RABGAP1: variants seen among roughly 807,000 people sequenced by gnomAD.
RABGAP1 encodes the protein rab GTPase-activating protein 1.
A neutral mutation model predicts 137.6 loss-of-function variants in RABGAP1; 23 were observed. The ratio of observed to expected loss-of-function variants is 0.17; its 90% CI spans 0.12 to 0.24. RABGAP1 has a LOEUF of 0.24. RABGAP1 is among the 10% of genes least tolerant of loss of function. The probability of loss-of-function intolerance (pLI) is 1.00; values close to 1 mark genes in which losing one functional copy is unlikely to be tolerated. For missense variants in RABGAP1, 906 were observed against 1,275.8 expected, an observed-to-expected ratio of 0.71 and a Z score of 4.42; for synonymous variants, 451 against 450.7, an observed-to-expected ratio of 1.00 and a Z score of -0.01.
At chr9:122,935,075 T>C in the RABGAP1 span, among the ~76,000 whole-genome samples, 1 of 152,264 alleles carries the variant, frequency 6.6e-6, no homozygotes, top group East Asian at 1.9e-4. Context: ...TTTCTGCCAT[T>C]ACTGCTTTTT....
chr9:123,098,726 G>A lies in RABGAP1; in HGVS notation c.2745G>A (p.Met915Ile). 6.2e-7 allele frequency: 1 copy of A among 1,613,284 alleles called. No individual in the cohort carries two copies. Among genetic ancestry groups the A allele is most frequent in the Non-Finnish European group, 8.5e-7 (1 of 1,179,694 alleles). ...TTTTATGTGTGCAGTTAAAAGAAAT[G>A]TGCCGTCGGGAACTCGACAAGGCAG... is the stretch of plus-strand genomic sequence containing the variant. Reference protein sequence around the residue: ...LEEESAQLKEMCRRELDKAES... With the variant: ...LEEESAQLKEICRRELDKAES... The change falls in exon 23 of 26, where the codon ATG (methionine) becomes ATA (isoleucine). Residue 915 changes from methionine to isoleucine, a missense_variant. Around this residue, in one of 9 missense-constraint regions of RABGAP1, gnomAD observed 193 missense variants for 248.1 expected, o/e 0.78. Coordinates refer to ENST00000373647, the MANE Select transcript of RABGAP1 (RefSeq NM_012197.4).
At chr9:123,059,874 T>C (rs1485708523) in intron 13 of RABGAP1, among the ~76,000 whole-genome samples, 1 of 152,214 alleles carries the variant, frequency 6.6e-6, no homozygotes, top group Non-Finnish European at 1.5e-5. Context: ...TAATATTTTG[T>C]TAGAGTAGCC....
At chr9:123,045,523 G>A (rs1054039004) in intron 13 of RABGAP1, among the ~76,000 whole-genome samples, 5 of 152,130 alleles carry the variant, frequency 3.3e-5, no homozygotes, top group Non-Finnish European at 7.4e-5. Flanking sequence ...GTAGCCTATA[G>A]AACACTGGAA....
At chr9:123,036,956 G>A (rs577633173) in intron 13 of RABGAP1, among the ~76,000 whole-genome samples, 1 of 152,124 alleles carries the variant, frequency 6.6e-6, no homozygotes, top group Non-Finnish European at 1.5e-5. Context: ...AGAGCAAGAG[G>A]TTTATTTTTC....
chr9:123,035,657 TGTGTGTG>T, intron 13 of RABGAP1: 1 of 828,240 alleles, frequency 1.2e-6, no homozygotes, highest in Non-Finnish European at 1.9e-6. Flanking sequence ...TGTGTGTGTG[TGTGTGTG>T]TGTGTGTGTG....
intron 1 of RABGAP1, among the ~76,000 whole-genome samples, chr9:122,950,777 G>A (rs1372511367): frequency 2.0e-5 from 3 of 152,188 alleles, no homozygotes; most frequent in African/African-American, 7.2e-5. Flanking sequence ...AGAAAAGACA[G>A]TGCTAGTGTT....
In RABGAP1 at chr9:123,008,737, G is replaced by A. The variant is rs1222310158; in HGVS notation, c.1375-1617G>A. Among the ~76,000 whole-genome samples the A allele has an allele frequency of 2.0e-5, 3 of 152,186 alleles. No homozygotes were observed. The East Asian group carries it at 5.8e-4, about 29-fold the overall frequency. Reference sequence around the variant, plus strand: ...CATGTATCAAATATTCTAATTCAGTGTATTAATTAATGAGAGAACCAGAAA... The same window carrying A: ...CATGTATCAAATATTCTAATTCAGTATATTAATTAATGAGAGAACCAGAAA... On this transcript the variant is annotated intron_variant, in intron 10 of 25. Coordinates refer to ENST00000373647, the MANE Select transcript of RABGAP1 (RefSeq NM_012197.4).
intron 19 of RABGAP1, among the ~76,000 whole-genome samples, chr9:123,077,306 C>T (rs2034546455): frequency 6.6e-6 from 1 of 151,944 alleles, no homozygotes; most frequent in South Asian, 2.1e-4. Flanking sequence ...TGTGCCACTA[C>T]ACCCAGCTAA....
chr9:122,937,475 TA>T (rs1833403728), upstream of RABGAP1: 1 of 152,112 alleles, frequency 6.6e-6, no homozygotes, highest in South Asian at 2.1e-4. Flanking sequence ...CGTACGCCTG[TA>T]ATCTCAGCTT....
At chr9:123,047,828 A>G (rs190644988) in intron 13 of RABGAP1, among the ~76,000 whole-genome samples, 1 of 151,502 alleles carries the variant, frequency 6.6e-6, no homozygotes, top group East Asian at 1.9e-4. Context: ...TGGAGCTGTT[A>G]CATGACTGGT....
chr9:122,989,242 T>C (rs1836537226), intron 4 of RABGAP1, 55 bp from the exon 5 acceptor site: 1 of 1,433,666 alleles, frequency 7.0e-7, no homozygotes, highest in Non-Finnish European at 9.8e-7. Flanking sequence ...AATCTAAACG[T>C]AGTGCAGATT....
the RABGAP1 span, among the ~76,000 whole-genome samples, chr9:122,934,528 G>T: frequency 6.6e-6 from 1 of 151,378 alleles, no homozygotes; most frequent in African/African-American, 2.4e-5. Flanking sequence ...TTAGAGACAG[G>T]GTCTCACTCT....
chr9:123,002,479 G>C (rs1322771661), intron 10 of RABGAP1, among the ~76,000 whole-genome samples: 1 of 150,748 alleles, frequency 6.6e-6, no homozygotes, highest in Non-Finnish European at 1.5e-5. Context: ...TCTCATTTTA[G>C]TGAACATAAA....
intron 6 of RABGAP1, among the ~76,000 whole-genome samples, chr9:122,994,986 A>G (rs1386578215): frequency 6.6e-6 from 1 of 152,106 alleles, no homozygotes; most frequent in Non-Finnish European, 1.5e-5. Context: ...GCATGGTGGC[A>G]TGTACCTGTA....
chr9:122,933,523 A>T, the RABGAP1 span, among the ~76,000 whole-genome samples: 1 of 150,984 alleles, frequency 6.6e-6, no homozygotes, highest in Non-Finnish European at 1.5e-5. Context: ...GTGCCATCTC[A>T]GCTCACTGCC....
At chr9:122,945,563 T>C (rs1464366186) in intron 1 of RABGAP1, 2 of 152,222 alleles carry the variant, frequency 1.3e-5, no homozygotes, top group African/African-American at 4.8e-5. Flanking sequence ...TTAAATAGTA[T>C]GTATGTATTA....
chr9:123,055,566 T>C (rs1008557904), intron 13 of RABGAP1, among the ~76,000 whole-genome samples: 4 of 148,582 alleles, frequency 2.7e-5, no homozygotes, highest in African/African-American at 9.9e-5. Flanking sequence ...TTTTTTTTTT[T>C]GAGATGGAGT....
chr9:123,101,461 T>A (rs1451784530), intron 24 of RABGAP1, 105 bp from the exon 25 acceptor site: 1 of 1,122,616 alleles, frequency 8.9e-7, no homozygotes, highest in Admixed American at 3.0e-5. Flanking sequence ...ACTGTAGTGC[T>A]CAACAGAGAA....
intron 2 of RABGAP1, among the ~76,000 whole-genome samples, chr9:122,973,573 TTTC>T (rs933649587): frequency 6.6e-6 from 1 of 152,260 alleles, no homozygotes; most frequent in African/African-American, 2.4e-5. Flanking sequence ...CTCATAGAGT[TTTC>T]TTCTTGAAAA....
Sources: allele counts gnomAD v4.1 joint callset (sites outside exome capture counted in the v4.1 genomes callset), GRCh38; gene constraint gnomAD v4.1.1; regional missense constraint gnomAD v4.1.1; transcripts MANE v1.5; gene names NCBI Gene and HGNC (gene_info 2026-07-23, HGNC 2026-07-21).